Variants in ROBO2 observed in about 807,000 individuals in gnomAD.
ROBO2 encodes roundabout guidance receptor 2.
A neutral mutation model predicts 160.8 loss-of-function variants in ROBO2; 53 were observed. The ratio of observed to expected loss-of-function variants is 0.33; its 90% CI spans 0.26 to 0.41. The LOEUF is 0.41. Ranked by LOEUF, ROBO2 falls within the 10% of genes least tolerant of loss-of-function variation. The probability of loss-of-function intolerance (pLI) is 1.00; values close to 1 mark genes in which losing one functional copy is unlikely to be tolerated. For synonymous variants in ROBO2, 664 were observed against 611.7 expected (o/e 1.09, Z -1.26); for missense variants, 1,577 against 1,722.4 (o/e 0.92, Z 1.49).
intron 2 of ROBO2, among the ~76,000 whole-genome samples, chr3:76,916,917 C>G (rs1049964320): frequency 6.6e-6 from 1 of 151,984 alleles, no homozygotes; most frequent in Admixed American, 6.6e-5. Context: ...GCAAAACACT[C>G]GTCCATTTGA....
intron 2 of ROBO2, among the ~76,000 whole-genome samples, chr3:77,247,250 G>A (rs545133274): frequency 1.3e-5 from 2 of 152,250 alleles, no homozygotes; most frequent in East Asian, 3.9e-4. Context: ...CCCACGAGCA[G>A]CCCAGAATAG....
In ROBO2 at chr3:76,019,514, T is replaced by C. The variant is rs534678834; in HGVS notation, c.109+81912T>C. On this transcript the variant is annotated intron_variant, in intron 2 of 26. Coordinates refer to the ROBO2 transcript ENST00000487694. The stretch of plus-strand genomic sequence containing the variant: ...CCTTCGAATTGGCTAATATTTGCAT[T>C]ATGGCCTCCCCACATGGTTCAGTTT... Among the ~76,000 whole-genome samples, 8 of 152,030 alleles carry C rather than the reference T, an allele frequency of 5.3e-5. No homozygotes were observed. In the East Asian group the frequency reaches 1.6e-3, roughly 30 times the overall value.
intron 2 of ROBO2, among the ~76,000 whole-genome samples, chr3:76,641,686 A>G (rs937255513): frequency 6.6e-6 from 1 of 152,212 alleles, no homozygotes; most frequent in African/African-American, 2.4e-5. Context: ...CACAAAAGTG[A>G]TATGGTAATT....
At chr3:75,998,335 A>G (rs1051976220) in intron 2 of ROBO2, among the ~76,000 whole-genome samples, 2 of 152,196 alleles carry the variant, frequency 1.3e-5, no homozygotes, top group African/African-American at 4.8e-5. Context: ...ACCATAACTC[A>G]TATGACGTTT....
At chr3:77,194,303 T>A (rs2082130163) in intron 2 of ROBO2, among the ~76,000 whole-genome samples, 1 of 152,196 alleles carries the variant, frequency 6.6e-6, no homozygotes, top group South Asian at 2.1e-4. Context: ...TAATGCCTAG[T>A]TGTCCTGTGG....
intron 5 of ROBO2, among the ~76,000 whole-genome samples, chr3:77,503,045 A>G (rs980896522): frequency 2.1e-4 from 32 of 152,208 alleles, no homozygotes; most frequent in African/African-American, 7.5e-4. Context: ...TAACAATTCT[A>G]TATTTTAAAA....
intron 2 of ROBO2, among the ~76,000 whole-genome samples, chr3:77,428,446 TC>T (rs796893432): frequency 9.7e-4 from 141 of 145,894 alleles, no homozygotes; most frequent in African/African-American, 3.4e-3. Flanking sequence ...AAGCTCCACT[TC>T]CCGGGTTCAC....
chr3:76,519,086 A>C (rs1328548981), intron 2 of ROBO2, among the ~76,000 whole-genome samples: 1 of 152,230 alleles, frequency 6.6e-6, no homozygotes, highest in Admixed American at 6.5e-5. Flanking sequence ...ATCTGGACTC[A>C]GAAAGTTGAG....
chr3:77,141,841 G>A (rs1461204855), intron 2 of ROBO2, among the ~76,000 whole-genome samples: 2 of 152,132 alleles, frequency 1.3e-5, no homozygotes, highest in Non-Finnish European at 2.9e-5. Context: ...CTACATCCTT[G>A]GGTAAAAGTC....
intron 2 of ROBO2, among the ~76,000 whole-genome samples, chr3:77,364,765 A>G (rs748316887): frequency 6.6e-6 from 1 of 152,180 alleles, no homozygotes; most frequent in Non-Finnish European, 1.5e-5. Context: ...TTGAGAGGAA[A>G]ACTTTCTCTG....
At chr3:76,836,285 C>T (rs181464638) in intron 2 of ROBO2, among the ~76,000 whole-genome samples, 2 of 152,026 alleles carry the variant, frequency 1.3e-5, no homozygotes, top group Non-Finnish European at 2.9e-5. Context: ...AATTTTCCCA[C>T]ATCAGATATT....
chr3:77,216,245 CTT>C (rs893329152), intron 2 of ROBO2, among the ~76,000 whole-genome samples: 1 of 152,122 alleles, frequency 6.6e-6, no homozygotes, highest in Non-Finnish European at 1.5e-5. Flanking sequence ...TTCCTGGCCG[CTT>C]TGTTTACCTA....
chr3:76,462,922 C>T (rs746506076), intron 2 of ROBO2, among the ~76,000 whole-genome samples: 2 of 152,168 alleles, frequency 1.3e-5, no homozygotes, highest in African/African-American at 2.4e-5. Flanking sequence ...TTTACACTGC[C>T]TAGCTTAAGT....
chr3:76,953,890 T>A (rs76228360), intron 2 of ROBO2, among the ~76,000 whole-genome samples: 4,460 of 152,262 alleles, frequency 0.029, 193 homozygotes, highest in African/African-American at 0.1. Flanking sequence ...AAGGCCGGCA[T>A]CCTCTGTTCC....
intron 2 of ROBO2, among the ~76,000 whole-genome samples, chr3:77,385,972 CA>C (rs1461716594): frequency 1.3e-5 from 2 of 152,084 alleles, no homozygotes; most frequent in Non-Finnish European, 2.9e-5. Flanking sequence ...GAAATAAAAA[CA>C]TGAAATATTG....
chr3:77,595,069 T>C, intron 17 of ROBO2, 73 bp from the exon 19 acceptor site: 7 of 1,204,634 alleles, frequency 5.8e-6, no homozygotes, highest in South Asian at 2.4e-5. Flanking sequence ...AGGGCCAATA[T>C]GTAGTTGTTA....
chr3:75,981,156 C>T (rs1160278548), intron 2 of ROBO2, among the ~76,000 whole-genome samples: 1 of 151,296 alleles, frequency 6.6e-6, no homozygotes, highest in African/African-American at 2.4e-5. Context: ...AAGACAAGGG[C>T]CCATGTGTTT....
chr3:77,264,799 C>A (rs905690044), intron 2 of ROBO2, among the ~76,000 whole-genome samples: 27 of 152,104 alleles, frequency 1.8e-4, no homozygotes, highest in Non-Finnish European at 3.5e-4. Context: ...GTCATTGCTG[C>A]ACTTCTGACA....
chr3:76,434,432 A>G (rs1330508429), intron 2 of ROBO2: 28 of 1,559,872 alleles, frequency 1.8e-5, no homozygotes, highest in Admixed American at 6.7e-5. Flanking sequence ...CTGGGTGGCT[A>G]TGGCCCCCAA....
Sources: allele counts gnomAD v4.1 joint callset (sites outside exome capture counted in the v4.1 genomes callset), GRCh38; gene constraint gnomAD v4.1.1; transcripts MANE v1.5; gene names NCBI Gene and HGNC (gene_info 2026-07-23, HGNC 2026-07-21).